CACUL1: variants seen among roughly 807,000 people sequenced by gnomAD.
The protein encoded by CACUL1 is CDK2 associated cullin domain 1.
A neutral mutation model predicts 45.2 loss-of-function variants in CACUL1; 13 were observed. The observed-to-expected ratio is 0.29, with a 90% CI of 0.19 to 0.46. The LOEUF (loss-of-function observed/expected upper bound fraction) is 0.46. Ranked by LOEUF, CACUL1 falls within the 20% of genes least tolerant of loss-of-function variation. The pLI, the probability that CACUL1 is intolerant of heterozygous loss-of-function variation, is 1.00. For missense variants in CACUL1, 421 were observed against 471.4 expected (o/e 0.89, Z 0.99); for synonymous variants, 197 against 174.2 (o/e 1.13, Z -1.03).
chr10:118,751,201 G>A (rs911323860), intron 1 of CACUL1, among the ~76,000 whole-genome samples: 2 of 152,082 alleles, frequency 1.3e-5, no homozygotes, highest in Admixed American at 6.5e-5. Flanking sequence ...TTTAGGCACT[G>A]TAAATATCTT....
intron 5 of CACUL1, among the ~76,000 whole-genome samples, chr10:118,699,133 A>C (rs1289625510): frequency 6.6e-6 from 1 of 152,200 alleles, no homozygotes; most frequent in African/African-American, 2.4e-5. Context: ...ATGTGTGTTT[A>C]AAAACCTTTT....
At chr10:118,690,405 G>T (rs1845253320) in intron 7 of CACUL1, among the ~76,000 whole-genome samples, 1 of 151,870 alleles carries the variant, frequency 6.6e-6, no homozygotes, top group South Asian at 2.1e-4. Context: ...TTTTCTCATG[G>T]GGAATCACAA....
intron 3 of CACUL1, among the ~76,000 whole-genome samples, chr10:118,723,751 G>C (rs1015826574): frequency 6.6e-5 from 10 of 152,042 alleles, no homozygotes; most frequent in African/African-American, 2.4e-4. Flanking sequence ...AAGCTTAATC[G>C]AGGCTCTAGC....
chr10:118,699,605 G>A (rs979550943), intron 5 of CACUL1, among the ~76,000 whole-genome samples: 5 of 151,854 alleles, frequency 3.3e-5, no homozygotes, highest in Non-Finnish European at 5.9e-5. Flanking sequence ...TCAGTATCAG[G>A]AAATACTTAA....
intron 1 of CACUL1, among the ~76,000 whole-genome samples, chr10:118,742,064 T>C (rs1162855979): frequency 6.6e-6 from 1 of 152,228 alleles, no homozygotes; most frequent in African/African-American, 2.4e-5. Flanking sequence ...CATTTAATCA[T>C]AATGTATCAT....
At chr10:118,751,899 T>G (rs1195077679) in intron 1 of CACUL1, among the ~76,000 whole-genome samples, 1 of 152,222 alleles carries the variant, frequency 6.6e-6, no homozygotes, top group East Asian at 1.9e-4. Flanking sequence ...TCTTGCGTAT[T>G]CACGGGTTGA....
chr10:118,737,576 T>C (rs896510851), intron 1 of CACUL1, among the ~76,000 whole-genome samples: 9 of 152,124 alleles, frequency 5.9e-5, no homozygotes, highest in Admixed American at 1.3e-4. Flanking sequence ...CAAAACACTG[T>C]AAAACTTGTA....
intron 1 of CACUL1, among the ~76,000 whole-genome samples, chr10:118,733,435 G>A (rs1186969254): frequency 6.6e-6 from 1 of 152,032 alleles, no homozygotes; most frequent in Non-Finnish European, 1.5e-5. Flanking sequence ...AACCTTATAT[G>A]CTAGCTAACA....
chr10:118,716,188 C>T (rs578180926), intron 3 of CACUL1, among the ~76,000 whole-genome samples: 6 of 150,844 alleles, frequency 4.0e-5, no homozygotes, highest in Non-Finnish European at 8.8e-5. Flanking sequence ...GCCAAGATTG[C>T]GCCACTGCAC....
chr10:118,686,212 C>T (rs1845204073), intron 8 of CACUL1, 44 bp from the exon 9 acceptor site: 3 of 1,457,090 alleles, frequency 2.1e-6, no homozygotes, highest in East Asian at 2.3e-5. Context: ...GAGCAGACAG[C>T]ATTTGATAAC....
rs934402174 is a variant in CACUL1, at chr10:118,705,862, C to A, written c.693+1630G>T. ...AACAGTACCAAAGTTCAAAGAATTT[C>A]TATCTTCTGGACAATAAAAACAATT... On this transcript the variant is annotated intron_variant, in intron 4 of 8. Transcript: ENST00000369151. Among the ~76,000 whole-genome samples, 4 of 152,176 alleles carry A rather than the reference C, an allele frequency of 2.6e-5. No individual in the cohort carries two copies. The East Asian group carries it at 5.8e-4, about 22-fold the overall frequency.
chr10:118,707,659 A>C, intron 3 of CACUL1, 72 bp from the exon 4 acceptor site: 1 of 656,264 alleles, frequency 1.5e-6, no homozygotes, highest in Non-Finnish European at 2.6e-6. Context: ...TTTGAAACAC[A>C]AACAGAAGGA....
rs1323966376 is a variant in CACUL1 at position 118,754,567 on chromosome 10, C to T, written c.196G>A (p.Asp66Asn). 1 of 1,610,966 alleles carries T rather than the reference C, an allele frequency of 6.2e-7. No individual in the cohort carries two copies. The highest frequency in any genetic ancestry group is 1.7e-5 in the Admixed American group (1 of 59,732). The change falls in exon 1 of 9, where the codon GAC becomes AAC. Residue 66 changes from aspartate to asparagine, a missense_variant. Around this residue, in one of 2 missense-constraint regions of CACUL1, gnomAD observed 213 missense variants for 173.1 expected, o/e 1.23. Coordinates refer to ENST00000369151, the MANE Select transcript of CACUL1 (RefSeq NM_153810.5). ...QLLAVPAVSV[D>N]RKGPKEGLPM... ...AGCCCCTCCTTGGGGCCTTTCCTGT[C>T]CACGGAGACCGCGGGCACCGCCAGC...
chr10:118,695,028 C>T (rs1845309160), intron 6 of CACUL1, 113 bp downstream of exon 6: 1 of 672,900 alleles, frequency 1.5e-6, no homozygotes, highest in African/African-American at 1.8e-5. Flanking sequence ...AATTTTTTTG[C>T]TCCAGCAAAT....
chr10:118,698,655 G>A (rs900568027), intron 5 of CACUL1, among the ~76,000 whole-genome samples: 6 of 152,168 alleles, frequency 3.9e-5, no homozygotes, highest in African/African-American at 9.7e-5. Flanking sequence ...TACCAGCCAC[G>A]TGAATGAGTC....
intron 3 of CACUL1, among the ~76,000 whole-genome samples, chr10:118,714,260 T>C (rs1188537332): frequency 6.6e-6 from 1 of 152,190 alleles, no homozygotes; most frequent in Non-Finnish European, 1.5e-5. Context: ...TAAATGGATC[T>C]TTTCTGTATA....
At chr10:118,700,082 A>G (rs749536682) in intron 5 of CACUL1, among the ~76,000 whole-genome samples, 43 of 152,158 alleles carry the variant, frequency 2.8e-4, no homozygotes, top group Non-Finnish European at 1.8e-4. Context: ...AACTTGCCCC[A>G]TGCTTGATAA....
At chr10:118,734,247 A>C (rs907772710) in intron 1 of CACUL1, among the ~76,000 whole-genome samples, 1 of 152,170 alleles carries the variant, frequency 6.6e-6, no homozygotes, top group Non-Finnish European at 1.5e-5. Flanking sequence ...AATAAAAATC[A>C]CTCATAATTT....
intron 1 of CACUL1, among the ~76,000 whole-genome samples, chr10:118,742,721 A>G (rs1408238999): frequency 6.6e-6 from 1 of 152,166 alleles, no homozygotes; most frequent in Non-Finnish European, 1.5e-5. Context: ...GAAACCTCAC[A>G]AAAAAGATTC....
Sources: allele counts gnomAD v4.1 joint callset (sites outside exome capture counted in the v4.1 genomes callset), GRCh38; gene constraint gnomAD v4.1.1; regional missense constraint gnomAD v4.1.1; transcripts MANE v1.5; gene names NCBI Gene and HGNC (gene_info 2026-07-23, HGNC 2026-07-21).